The following MED13L variants were observed in gnomAD, a reference collection of about 807,000 sequenced individuals.
The protein encoded by MED13L is mediator complex subunit 13L, also known as mediator of RNA polymerase II transcription subunit 13-like.
In MED13L, 7 loss-of-function variants were observed where a neutral mutation model predicts 220.9. That is an observed-to-expected ratio of 0.03 (90% CI 0.02 to 0.06). The LOEUF (loss-of-function observed/expected upper bound fraction) is 0.06, where lower values mean the gene tolerates loss of function less well. Among genes scored for constraint, MED13L ranks in the 10% least tolerant of loss-of-function variants. The pLI, the probability that MED13L is intolerant of heterozygous loss-of-function variation, is 1.00. For synonymous variants in MED13L, 1,011 were observed against 1,015.2 expected, an observed-to-expected ratio of 1.00 and a Z score of 0.08; for missense variants, 1,965 against 2,760.5, an observed-to-expected ratio of 0.71 and a Z score of 6.46.
chr12:116,020,496 G>A (rs2137437960), intron 5 of MED13L, among the ~76,000 whole-genome samples: 1 of 152,244 alleles, frequency 6.6e-6, no homozygotes, highest in African/African-American at 2.4e-5. Flanking sequence ...AACATCTGTG[G>A]TAATCAAAGA....
intron 3 of MED13L, among the ~76,000 whole-genome samples, chr12:116,108,401 G>GGGGGGGGGA (rs1873784690): frequency 9.9e-6 from 1 of 100,666 alleles, no homozygotes; most frequent in African/African-American, 3.5e-5. Context: ...GGGGGGGGGG[G>GGGGGGGGGA]CGCGTGGGGG....
chr12:116,151,729 C>A (rs1266416613), intron 2 of MED13L, among the ~76,000 whole-genome samples: 1 of 152,124 alleles, frequency 6.6e-6, no homozygotes, highest in Non-Finnish European at 1.5e-5. Flanking sequence ...CTAATGAGTG[C>A]CTTATTTTTA....
intron 2 of MED13L, among the ~76,000 whole-genome samples, chr12:116,207,080 T>C (rs190912643): frequency 2.6e-5 from 4 of 152,116 alleles, no homozygotes; most frequent in Admixed American, 6.5e-5. Flanking sequence ...GCCGCCATGA[T>C]GACGTTTCAG....
intron 2 of MED13L, among the ~76,000 whole-genome samples, chr12:116,140,577 C>A (rs1488741624): frequency 6.6e-6 from 1 of 152,156 alleles, no homozygotes; most frequent in Non-Finnish European, 1.5e-5. Context: ...AACAGAGCAG[C>A]TACCGGGAAA....
chr12:116,228,210 T>A (rs1469364907), intron 2 of MED13L, among the ~76,000 whole-genome samples: 2 of 152,162 alleles, frequency 1.3e-5, no homozygotes, highest in African/African-American at 4.8e-5. Flanking sequence ...CTCCCTTACA[T>A]AAAGACACAA....
At chr12:116,002,941 G>T in intron 14 of MED13L, 62 bp downstream of exon 14, 1 of 1,277,130 alleles carries the variant, frequency 7.8e-7, no homozygotes, top group Non-Finnish European at 1.1e-6. Context: ...CTAAGTATGA[G>T]AATATTATAT....
At chr12:116,060,153 A>G (rs1189852510) in intron 4 of MED13L, among the ~76,000 whole-genome samples, 1 of 151,976 alleles carries the variant, frequency 6.6e-6, no homozygotes. Context: ...TGCCCAGGAC[A>G]CTCTCATCAT....
intron 1 of MED13L, among the ~76,000 whole-genome samples, chr12:116,250,032 A>AAAAAAAAAAAAAAAAAAC: frequency 6.8e-6 from 1 of 147,028 alleles, no homozygotes; most frequent in Non-Finnish European, 1.5e-5. Context: ...AACTAAAAAA[A>AAAAAAAAAAAAAAAAAAC]AAAAAAAAAA....
chr12:116,075,969 A>G lies in MED13L; in HGVS notation c.479+20700T>C, dbSNP rs202154363. On this transcript the variant is annotated intron_variant, in intron 4 of 30. Coordinates refer to ENST00000281928, the MANE Select transcript of MED13L (RefSeq NM_015335.5). ...CGCTCTGTCGCCCAGGCTGGAGTGCAGTGGCGCGATCTCGGCTCACTGCAA... is the reference window on the plus strand; with the variant it reads ...CGCTCTGTCGCCCAGGCTGGAGTGCGGTGGCGCGATCTCGGCTCACTGCAA... 2.1e-5 allele frequency among the ~76,000 whole-genome samples: 3 copies of G among 143,328 alleles called. No individual in the cohort carries two copies. In the East Asian group the frequency reaches 6.1e-4, roughly 29 times the overall value. The allele number at this position is 143,328 out of a possible 152,430, so 94.0% of individuals were successfully genotyped here. A position where few individuals can be genotyped will look rare whatever the true frequency, so the allele number is the denominator to read the frequency against.
At chr12:116,120,936 A>C (rs61939699) in intron 2 of MED13L, among the ~76,000 whole-genome samples, 7,264 of 152,250 alleles carry the variant, frequency 0.048, 239 homozygotes, top group Non-Finnish European at 0.076. Context: ...ATGAGTGACA[A>C]CAGTCAATCA....
chr12:116,075,271 T>G (rs1446996791), intron 4 of MED13L, among the ~76,000 whole-genome samples: 1 of 152,204 alleles, frequency 6.6e-6, no homozygotes, highest in African/African-American at 2.4e-5. Context: ...AAGTTATTTA[T>G]CCCCATGTAT....
At chr12:116,068,086 G>C (rs964133347) in intron 4 of MED13L, among the ~76,000 whole-genome samples, 2 of 152,134 alleles carry the variant, frequency 1.3e-5, no homozygotes, top group African/African-American at 4.8e-5. Context: ...TTATAGATGT[G>C]AGTAAATACA....
chr12:115,965,326 C>A (rs1876072101), intron 29 of MED13L, among the ~76,000 whole-genome samples: 1 of 152,178 alleles, frequency 6.6e-6, no homozygotes. Context: ...TAGGTTCTTT[C>A]TAGTCTTGGA....
chr12:116,150,864 A>C (rs1015791143), intron 2 of MED13L, among the ~76,000 whole-genome samples: 3 of 152,122 alleles, frequency 2.0e-5, no homozygotes, highest in African/African-American at 7.2e-5. Flanking sequence ...TAATTTTCTC[A>C]ATCTAAGTTT....
chr12:116,272,750 T>C (rs1221618647), intron 1 of MED13L, among the ~76,000 whole-genome samples: 1 of 152,156 alleles, frequency 6.6e-6, no homozygotes, highest in Admixed American at 6.5e-5. Context: ...CTAAGGTACA[T>C]TATTGTCTCT....
chr12:115,982,247 T>G, intron 22 of MED13L, 137 bp downstream of exon 22: 1 of 891,390 alleles, frequency 1.1e-6, no homozygotes, highest in Non-Finnish European at 1.7e-6. Context: ...TCCAAAACAC[T>G]CTGGTTCCTA....
intron 2 of MED13L, among the ~76,000 whole-genome samples, chr12:116,203,191 C>A (rs1174801023): frequency 1.3e-5 from 2 of 152,180 alleles, no homozygotes; most frequent in Non-Finnish European, 2.9e-5. Context: ...CATCTTCAGG[C>A]AGGAATGTTA....
At position 115,961,017 on chromosome 12, in the gene MED13L, C is replaced by T. The variant is rs569755631; in HGVS notation, c.*249G>A. On this transcript the variant is annotated 3_prime_UTR_variant, in exon 31 of 31. Transcript: ENST00000281928. Reference sequence around the variant, plus strand: ...CTGGGGACCAGTGGTTGGGGCTACACACACCACCGCACTGGCTGAAAGTCA... The same window carrying T: ...CTGGGGACCAGTGGTTGGGGCTACATACACCACCGCACTGGCTGAAAGTCA... 1.9e-6 allele frequency: 1 copy of T among 523,038 alleles called. No homozygotes were observed. The highest frequency in any genetic ancestry group is 3.7e-5 in the East Asian group (1 of 27,302). The allele number at this position is 523,038 out of a possible 1,614,324, so 32.4% of individuals were successfully genotyped here.
rs1379838467 is a variant in MED13L, at chr12:115,966,166, T to C, written c.6303A>G (p.Val2101=). 2 of 1,614,178 alleles carry C rather than the reference T, an allele frequency of 1.2e-6. No homozygotes were observed. Among genetic ancestry groups the C allele is most frequent in the Admixed American group, 3.3e-5 (2 of 60,016 alleles). ...GAAGATTCTCAGCTTTGGCAGTTGA[T>C]ACAAAATACCCAAGGGCCAGGGGCT... The part of the protein sequence containing the change: ...KQQPLALGYF[V]STAKAENLPQ... The change falls in exon 29 of 31, where the codon GTA becomes GTG. Residue 2101 remains valine, a synonymous_variant. Coordinates refer to ENST00000281928, the MANE Select transcript of MED13L (RefSeq NM_015335.5).
Sources: allele counts gnomAD v4.1 joint callset (sites outside exome capture counted in the v4.1 genomes callset), GRCh38; gene constraint gnomAD v4.1.1; transcripts MANE v1.5; gene names NCBI Gene and HGNC (gene_info 2026-07-23, HGNC 2026-07-21).